Variants in FBXL17 observed in about 807,000 individuals in gnomAD.
The protein encoded by FBXL17 is F-box and leucine rich repeat protein 17.
In FBXL17, 22 loss-of-function variants were observed where a neutral mutation model predicts 66.2. The observed-to-expected ratio is 0.33, with a 90% CI of 0.24 to 0.47. The LOEUF (loss-of-function observed/expected upper bound fraction) is 0.47, where lower values mean the gene tolerates loss of function less well. Ranked by LOEUF, FBXL17 falls within the 20% of genes least tolerant of loss-of-function variation. The probability of loss-of-function intolerance (pLI) is 1.00; values close to 1 mark genes in which losing one functional copy is unlikely to be tolerated. For synonymous variants in FBXL17, 474 were observed against 400.5 expected (o/e 1.18, Z -2.19); for missense variants, 878 against 948.2 (o/e 0.93, Z 0.97).
intron 6 of FBXL17, among the ~76,000 whole-genome samples, chr5:108,167,204 A>G (rs1405612448): frequency 6.6e-6 from 1 of 152,192 alleles, no homozygotes; most frequent in Non-Finnish European, 1.5e-5. Context: ...TACCATAAGC[A>G]ATAAGTAACC....
chr5:108,296,818 C>G (rs759811061), intron 4 of FBXL17, among the ~76,000 whole-genome samples: 3 of 151,266 alleles, frequency 2.0e-5, no homozygotes, highest in Admixed American at 2.0e-4. Context: ...TCGACAGTAT[C>G]CATTTCAAAC....
chr5:108,292,753 T>C (rs139100008), intron 4 of FBXL17, among the ~76,000 whole-genome samples: 38 of 152,260 alleles, frequency 2.5e-4, no homozygotes, highest in Non-Finnish European at 4.9e-4. Flanking sequence ...TAATATTTAA[T>C]TGGGAAATAC....
chr5:108,381,738 CAG>C lies in FBXL17; in HGVS notation c.-49_-48del. On this transcript the variant is annotated 5_prime_UTR_variant, in exon 1 of 9. Transcript: ENST00000542267. ...GACCGGGACGGGAGGGAGGGAGACCCAGAGAGGCGGGCTCCCGGCAGCGGGGC... is the reference window on the plus strand; with the variant it reads ...GACCGGGACGGGAGGGAGGGAGACCCAGAGGCGGGCTCCCGGCAGCGGGGC... 7.2e-7 allele frequency: 1 copy of C among 1,383,868 alleles called. No individual in the cohort carries two copies. The highest frequency in any genetic ancestry group is 1.6e-5 in the South Asian group (1 of 63,100). 85.7% of individuals were successfully genotyped at this position (1,383,868 alleles called of 1,614,324 possible). A position where few individuals can be genotyped will look rare whatever the true frequency, so the allele number is the denominator to read the frequency against.
intron 6 of FBXL17, among the ~76,000 whole-genome samples, chr5:108,146,955 T>C (rs1467154762): frequency 6.6e-6 from 1 of 152,166 alleles, no homozygotes; most frequent in Non-Finnish European, 1.5e-5. Context: ...AAGTCCAAGA[T>C]CAAGGAACTA....
chr5:108,171,197 T>C (rs1178613198), intron 6 of FBXL17, among the ~76,000 whole-genome samples: 7 of 152,214 alleles, frequency 4.6e-5, no homozygotes, highest in African/African-American at 1.2e-4. Context: ...TATTGTAATA[T>C]TTATTTTATT....
At chr5:108,339,427 AT>A (rs1200625565) in intron 4 of FBXL17, among the ~76,000 whole-genome samples, 1 of 152,206 alleles carries the variant, frequency 6.6e-6, no homozygotes, top group East Asian at 1.9e-4. Context: ...TCAAGTCTTT[AT>A]CTCAACCCAC....
chr5:108,054,042 A>C (rs1486929159), intron 6 of FBXL17, among the ~76,000 whole-genome samples: 1 of 152,144 alleles, frequency 6.6e-6, no homozygotes, highest in African/African-American at 2.4e-5. Context: ...GTTCTCATTC[A>C]TAAGTGGGTG....
intron 5 of FBXL17, among the ~76,000 whole-genome samples, chr5:108,189,937 T>C (rs1753402930): frequency 6.6e-6 from 1 of 152,192 alleles, no homozygotes; most frequent in African/African-American, 2.4e-5. Flanking sequence ...TAAGAAGACT[T>C]GAGCTTTAGA....
At chr5:107,897,832 T>C (rs994507668) in intron 7 of FBXL17, among the ~76,000 whole-genome samples, 8 of 149,934 alleles carry the variant, frequency 5.3e-5, no homozygotes, top group Non-Finnish European at 1.0e-4. Flanking sequence ...GAGAAAACTG[T>C]CCAGATGTGC....
intron 6 of FBXL17, among the ~76,000 whole-genome samples, chr5:108,098,093 G>C (rs1461815349): frequency 6.6e-6 from 1 of 151,882 alleles, no homozygotes; most frequent in African/African-American, 2.4e-5. Flanking sequence ...CAAGCATATG[G>C]TCAGATGGAT....
chr5:108,332,572 G>A lies in FBXL17; in HGVS notation c.1506+15827C>T, dbSNP rs563877212. Among the ~76,000 whole-genome samples the A allele has an allele frequency of 3.9e-5, 6 of 152,090 alleles. 2 individuals carry two copies. Among genetic ancestry groups the A allele is most frequent in the African/African-American group, 1.2e-4 (5 of 41,490 alleles). On this transcript the variant is annotated intron_variant, in intron 4 of 8. Coordinates refer to ENST00000542267, the MANE Select transcript of FBXL17 (RefSeq NM_001163315.3). ...TCATATTGGTTTCAAGTTACTGTCCGTCAGAGGTAGTTCAGGACAAACTTT... is the reference window on the plus strand; with the variant it reads ...TCATATTGGTTTCAAGTTACTGTCCATCAGAGGTAGTTCAGGACAAACTTT...
At chr5:107,972,366 T>C (rs1561346125) in intron 7 of FBXL17, among the ~76,000 whole-genome samples, 1 of 152,204 alleles carries the variant, frequency 6.6e-6, no homozygotes, top group South Asian at 2.1e-4. Context: ...GTAGAACTGT[T>C]AGATTTCCTC....
chr5:108,228,532 G>C (rs1383436873), intron 4 of FBXL17, among the ~76,000 whole-genome samples: 1 of 152,130 alleles, frequency 6.6e-6, no homozygotes, highest in Non-Finnish European at 1.5e-5. Flanking sequence ...CTACCCCACA[G>C]GGTAAAATGT....
intron 7 of FBXL17, among the ~76,000 whole-genome samples, chr5:108,017,837 G>A (rs1049385241): frequency 2.0e-5 from 3 of 152,032 alleles, no homozygotes; most frequent in African/African-American, 7.2e-5. Flanking sequence ...AAATATCTAT[G>A]TTCAGTTTGG....
chr5:108,372,477 T>A (rs1054057159), intron 1 of FBXL17, among the ~76,000 whole-genome samples: 11 of 152,098 alleles, frequency 7.2e-5, no homozygotes, highest in African/African-American at 2.7e-4. Context: ...TCAAGATGCA[T>A]CATAATCAAA....
intron 6 of FBXL17, among the ~76,000 whole-genome samples, chr5:108,094,154 T>C (rs1329867511): frequency 6.6e-6 from 1 of 152,110 alleles, no homozygotes; most frequent in African/African-American, 2.4e-5. Flanking sequence ...CAAAACGCAA[T>C]CTATAGCTCA....
At chr5:107,981,362 G>A (rs1012646733) in intron 7 of FBXL17, among the ~76,000 whole-genome samples, 1 of 152,228 alleles carries the variant, frequency 6.6e-6, no homozygotes. Context: ...CATCTGTGCT[G>A]GTCACGGATA....
intron 7 of FBXL17, among the ~76,000 whole-genome samples, chr5:107,924,809 A>C (rs1436710172): frequency 6.6e-6 from 1 of 152,224 alleles, no homozygotes; most frequent in African/African-American, 2.4e-5. Context: ...GACCAGTTTA[A>C]GAATTCAATA....
At chr5:107,940,031 C>A (rs1751040642) in intron 7 of FBXL17, among the ~76,000 whole-genome samples, 1 of 152,150 alleles carries the variant, frequency 6.6e-6, no homozygotes, top group African/African-American at 2.4e-5. Flanking sequence ...ACTAGCCACT[C>A]TGACTAGCAT....
Sources: gnomAD v4.1 joint callset for allele counts (sites outside exome capture counted in the v4.1 genomes callset) on GRCh38, gnomAD v4.1.1 for gene constraint, MANE v1.5 for transcripts, NCBI Gene and HGNC (gene_info 2026-07-23, HGNC 2026-07-21) for gene names.